Variants in TAFA2 observed in about 807,000 individuals in gnomAD.
TAFA2 encodes the protein TAFA chemokine like family member 2.
TAFA2 carries 7 observed loss-of-function variants against 18.8 expected under a neutral mutation model. That is an observed-to-expected ratio of 0.37 (90% CI 0.21 to 0.70). The LOEUF (loss-of-function observed/expected upper bound fraction) is 0.70. TAFA2 is among the 30% of genes least tolerant of loss of function. The pLI is 0.53. For synonymous variants in TAFA2, 60 were observed against 54.2 expected, an observed-to-expected ratio of 1.11 and a Z score of -0.47; for missense variants, 122 against 158.1, an observed-to-expected ratio of 0.77 and a Z score of 1.23.
chr12:61,866,964 T>C (rs1874381078), intron 2 of TAFA2, among the ~76,000 whole-genome samples: 1 of 152,018 alleles, frequency 6.6e-6, no homozygotes, highest in South Asian at 2.1e-4. Flanking sequence ...TACTTTAAGT[T>C]TTAGGGTACA....
intron 1 of TAFA2, among the ~76,000 whole-genome samples, chr12:61,952,730 T>A (rs1878513448): frequency 6.6e-6 from 1 of 152,096 alleles, no homozygotes; most frequent in Admixed American, 6.6e-5. Context: ...CAAAATTGCA[T>A]AACTAAAGCT....
chr12:62,250,473 C>T (rs1428424881), intron 1 of TAFA2, among the ~76,000 whole-genome samples: 1 of 151,916 alleles, frequency 6.6e-6, no homozygotes, highest in Non-Finnish European at 1.5e-5. Flanking sequence ...TTCTCAAACT[C>T]ATTATAATTT....
intron 2 of TAFA2, among the ~76,000 whole-genome samples, chr12:61,794,144 C>T (rs550557217): frequency 2.0e-5 from 3 of 151,820 alleles, no homozygotes; most frequent in Non-Finnish European, 4.4e-5. Context: ...AGGAACAAGA[C>T]AAAGAAGTCC....
intron 1 of TAFA2, among the ~76,000 whole-genome samples, chr12:62,199,736 A>G (rs1394894759): frequency 6.6e-6 from 1 of 152,146 alleles, no homozygotes; most frequent in East Asian, 1.9e-4. Flanking sequence ...GTATCTTTAT[A>G]ATAGAATGAT....
At chr12:62,046,350 A>C (rs1287445439) in intron 1 of TAFA2, among the ~76,000 whole-genome samples, 1 of 152,082 alleles carries the variant, frequency 6.6e-6, no homozygotes, top group African/African-American at 2.4e-5. Context: ...GATACCATAA[A>C]AGCTAAAACT....
chr12:61,960,401 C>T (rs1878842531), intron 1 of TAFA2, among the ~76,000 whole-genome samples: 1 of 151,896 alleles, frequency 6.6e-6, no homozygotes, highest in Admixed American at 6.6e-5. Context: ...ATTGAATGCC[C>T]AATATCTAAC....
At chr12:62,147,136 C>A (rs1041357340) in intron 1 of TAFA2, among the ~76,000 whole-genome samples, 8 of 150,460 alleles carry the variant, frequency 5.3e-5, no homozygotes, top group Non-Finnish European at 1.2e-4. Context: ...GAAACTAGAT[C>A]CATACCTCTC....
At chr12:61,716,830 A>G (rs954923782) in intron 4 of TAFA2, among the ~76,000 whole-genome samples, 8 of 152,210 alleles carry the variant, frequency 5.3e-5, no homozygotes, top group Admixed American at 3.3e-4. Context: ...AAATGTGGTA[A>G]TACTTCTAAG....
At chr12:62,147,023 A>G (rs1254459733) in intron 1 of TAFA2, among the ~76,000 whole-genome samples, 1 of 151,710 alleles carries the variant, frequency 6.6e-6, no homozygotes, top group Non-Finnish European at 1.5e-5. Context: ...CATACCTACA[A>G]CCAACTGATC....
intron 1 of TAFA2, among the ~76,000 whole-genome samples, chr12:61,904,445 C>T (rs1327775810): frequency 2.0e-5 from 3 of 152,138 alleles, no homozygotes; most frequent in African/African-American, 7.2e-5. Flanking sequence ...ATGTTTCCTT[C>T]ATGAAATATT....
At chr12:62,147,318 G>GTGTATATATATATATATATATATA (rs1474954167) in intron 1 of TAFA2, among the ~76,000 whole-genome samples, 18 of 87,608 alleles carry the variant, frequency 2.1e-4, no homozygotes, top group Non-Finnish European at 3.8e-4. Flanking sequence ...GTGTGTGTGT[G>GTGTATATATATATATATATATATA]TATGTATGTA....
At chr12:62,065,105 G>A (rs1882451664) in intron 1 of TAFA2, among the ~76,000 whole-genome samples, 1 of 151,958 alleles carries the variant, frequency 6.6e-6, no homozygotes. Flanking sequence ...ACACAGCCTT[G>A]TTTTTCCTCC....
intron 4 of TAFA2, among the ~76,000 whole-genome samples, chr12:61,714,808 T>C (rs1292883028): frequency 6.6e-6 from 1 of 152,232 alleles, no homozygotes; most frequent in Non-Finnish European, 1.5e-5. Context: ...ATCATTATAT[T>C]GAAGCCTAAA....
chr12:61,895,295 C>T (rs559291114), intron 1 of TAFA2, among the ~76,000 whole-genome samples: 6 of 152,222 alleles, frequency 3.9e-5, no homozygotes, highest in African/African-American at 1.4e-4. Context: ...ATCTGCTACC[C>T]TTCCTAAAAC....
rs1352139015 is a variant in TAFA2, at chr12:62,219,372, AT to A, written c.-130+39390del. ...GTTGCTAACACAAGTGCTTTTGGAA[AT>A]GCAAAGCATTGGCAGATACAGGAGA... On this transcript the variant is annotated intron_variant, in intron 1 of 5. Coordinates refer to the TAFA2 transcript ENST00000551619. Among the ~76,000 whole-genome samples the A allele has an allele frequency of 1.6e-4, 25 of 152,306 alleles. No homozygotes were observed. In the East Asian group the frequency reaches 3.9e-3, roughly 23 times the overall value.
At chr12:61,923,996 G>A (rs1322884236) in intron 1 of TAFA2, among the ~76,000 whole-genome samples, 1 of 150,068 alleles carries the variant, frequency 6.7e-6, no homozygotes, top group Non-Finnish European at 1.5e-5. Context: ...AGAGATTGAA[G>A]ATCAACATAA....
chr12:62,089,998 A>T (rs1190180364), intron 1 of TAFA2, among the ~76,000 whole-genome samples: 4 of 152,050 alleles, frequency 2.6e-5, no homozygotes, highest in South Asian at 4.1e-4. Context: ...GTTATCTTTC[A>T]CGTGTTATGT....
intron 1 of TAFA2, among the ~76,000 whole-genome samples, chr12:62,254,644 T>C (rs1321934973): frequency 6.6e-6 from 1 of 152,190 alleles, no homozygotes; most frequent in Non-Finnish European, 1.5e-5. Context: ...GGTAAATATT[T>C]TTATGAAATC....
At chr12:62,180,120 A>G (rs906007505) in intron 1 of TAFA2, among the ~76,000 whole-genome samples, 1 of 152,218 alleles carries the variant, frequency 6.6e-6, no homozygotes, top group Non-Finnish European at 1.5e-5. Flanking sequence ...AAATTCACCA[A>G]TGTGCAGTAA....
Sources: allele counts gnomAD v4.1 joint callset (sites outside exome capture counted in the v4.1 genomes callset), GRCh38; gene constraint gnomAD v4.1.1; transcripts MANE v1.5; gene names NCBI Gene and HGNC (gene_info 2026-07-23, HGNC 2026-07-21).